Variants in CTNNA2 observed in about 807,000 individuals in gnomAD.
The protein encoded by CTNNA2 is catenin alpha-2.
In CTNNA2, 42 loss-of-function variants were observed where a neutral mutation model predicts 101.0. That is an observed-to-expected ratio of 0.42 (90% CI 0.32 to 0.54). The LOEUF is 0.54. CTNNA2 is among the 20% of genes least tolerant of loss of function. CTNNA2 has a pLI of 0.14. For missense variants in CTNNA2, 871 were observed against 1,223.1 expected (o/e 0.71, Z 4.29); for synonymous variants, 450 against 456.4 (o/e 0.99, Z 0.18).
intron 3 of CTNNA2, among the ~76,000 whole-genome samples, chr2:79,812,038 A>G (rs78505574): frequency 0.026 from 3,906 of 152,308 alleles, 160 homozygotes; most frequent in African/African-American, 0.086. Context: ...ATATAGAAAT[A>G]CAATAGTTTA....
intron 6 of CTNNA2, among the ~76,000 whole-genome samples, chr2:79,891,797 C>A (rs1236882857): frequency 6.6e-6 from 1 of 152,088 alleles, no homozygotes; most frequent in East Asian, 1.9e-4. Flanking sequence ...CAAATTTATA[C>A]TGAAAATGCA....
chr2:80,587,605 C>A (rs1696087232), intron 14 of CTNNA2, among the ~76,000 whole-genome samples: 1 of 152,206 alleles, frequency 6.6e-6, no homozygotes, highest in Admixed American at 6.5e-5. Flanking sequence ...GAACCCAGTT[C>A]TTCTGAGCTC....
At chr2:79,775,842 A>G (rs1464586048) in intron 3 of CTNNA2, among the ~76,000 whole-genome samples, 2 of 152,130 alleles carry the variant, frequency 1.3e-5, no homozygotes, top group Admixed American at 1.3e-4. Flanking sequence ...TGAGAACTTT[A>G]TTTCTTGTTG....
chr2:79,524,777 A>G (rs1014420395), intron 1 of CTNNA2: 4 of 151,948 alleles, frequency 2.6e-5, no homozygotes, highest in Admixed American at 6.6e-5. Flanking sequence ...TAACGTAAGT[A>G]TATTTATACC....
chr2:79,214,002 C>A (rs1021208785), intron 2 of CTNNA2, among the ~76,000 whole-genome samples: 1 of 152,140 alleles, frequency 6.6e-6, no homozygotes, highest in African/African-American at 2.4e-5. Context: ...AGGGTGGGGT[C>A]CTGGCTCTTG....
At chr2:79,935,717 C>A (rs1434341881) in intron 7 of CTNNA2, among the ~76,000 whole-genome samples, 1 of 152,210 alleles carries the variant, frequency 6.6e-6, no homozygotes, top group Non-Finnish European at 1.5e-5. Flanking sequence ...CTACCTTTTA[C>A]AAATTGTCCC....
chr2:79,448,611 A>G (rs937624954), intron 4 of CTNNA2, among the ~76,000 whole-genome samples: 3 of 152,170 alleles, frequency 2.0e-5, no homozygotes, highest in East Asian at 1.9e-4. Flanking sequence ...AGCAGTTGGT[A>G]TCTGTGAGTT....
chr2:80,119,567 T>A (rs142249740), intron 7 of CTNNA2, among the ~76,000 whole-genome samples: 2 of 152,290 alleles, frequency 1.3e-5, no homozygotes, highest in East Asian at 3.9e-4. Flanking sequence ...ATCAGCCTCA[T>A]TGACTTTGAA....
intron 6 of CTNNA2, among the ~76,000 whole-genome samples, chr2:79,888,155 A>G (rs2104183555): frequency 6.6e-6 from 1 of 152,254 alleles, no homozygotes; most frequent in East Asian, 1.9e-4. Context: ...AACCATCCCT[A>G]CCTCTGGGAT....
chr2:80,094,121 G>C (rs1235701253), intron 7 of CTNNA2, among the ~76,000 whole-genome samples: 1 of 152,116 alleles, frequency 6.6e-6, no homozygotes, highest in Admixed American at 6.5e-5. Flanking sequence ...TTTTCTTGTA[G>C]GGTTTTTATG....
At chr2:79,338,610 C>CTTCTTCTTA (rs1677058933) in intron 3 of CTNNA2, among the ~76,000 whole-genome samples, 1 of 149,036 alleles carries the variant, frequency 6.7e-6, no homozygotes, top group African/African-American at 2.5e-5. Context: ...TCTTCTTCTT[C>CTTCTTCTTA]TTCTTCTTCT....
Position 79,672,708 on chromosome 2 carries a change from CT to C in CTNNA2, c.102+21067del, listed in dbSNP as rs768344475. On this transcript the variant is annotated intron_variant, in intron 2 of 18. Coordinates refer to ENST00000402739, the MANE Select transcript of CTNNA2 (RefSeq NM_001282597.3). ...TTTCCGATGCAACATTTTCTTTTTT[CT>C]TTTTTTTTTTTTTTTTGAGACGGAG... Among the ~76,000 whole-genome samples, 364 of 134,274 alleles carry C rather than the reference CT, an allele frequency of 2.7e-3. 1 individual carries two copies. The East Asian group carries it at 0.037, about 13-fold the overall frequency. 88.1% of individuals were successfully genotyped at this position (134,274 alleles called of 152,430 possible).
chr2:79,933,438 C>A (rs915482986), intron 7 of CTNNA2, among the ~76,000 whole-genome samples: 1 of 149,786 alleles, frequency 6.7e-6, no homozygotes, highest in Admixed American at 6.6e-5. Context: ...AAATCTAGAT[C>A]TTTGGGCTTC....
chr2:79,601,483 G>T (rs1164851031), intron 1 of CTNNA2, among the ~76,000 whole-genome samples: 1 of 152,184 alleles, frequency 6.6e-6, no homozygotes, highest in East Asian at 1.9e-4. Context: ...GTCATGTGTG[G>T]GCTTGGAAGC....
chr2:80,385,479 T>TG (rs1039709159), intron 7 of CTNNA2, among the ~76,000 whole-genome samples: 1 of 152,182 alleles, frequency 6.6e-6, no homozygotes, highest in African/African-American at 2.4e-5. Flanking sequence ...TCCAGAAATG[T>TG]GAGAAATAAA....
At chr2:79,492,390 T>C (rs1671213900) in intron 4 of CTNNA2, among the ~76,000 whole-genome samples, 1 of 151,878 alleles carries the variant, frequency 6.6e-6, no homozygotes, top group Non-Finnish European at 1.5e-5. Context: ...ATATGGTAGA[T>C]TTTCTATCTA....
intron 1 of CTNNA2, among the ~76,000 whole-genome samples, chr2:79,518,205 T>G (rs1173586037): frequency 6.6e-6 from 1 of 152,240 alleles, no homozygotes; most frequent in Non-Finnish European, 1.5e-5. Flanking sequence ...ATGTTGCTAC[T>G]TGTAGACATC....
upstream of CTNNA2, among the ~76,000 whole-genome samples, chr2:79,512,641 G>A (rs1039563269): frequency 6.9e-6 from 1 of 144,072 alleles, no homozygotes; most frequent in African/African-American, 2.6e-5. Context: ...ATTCAGCTCC[G>A]GGTCCCCGCC....
At chr2:80,645,148 A>G (rs1161501856) in intron 18 of CTNNA2, among the ~76,000 whole-genome samples, 2 of 152,106 alleles carry the variant, frequency 1.3e-5, no homozygotes, top group Admixed American at 6.6e-5. Context: ...GTCATATTTT[A>G]CCCTTTATTT....
Sources: allele counts gnomAD v4.1 joint callset (sites outside exome capture counted in the v4.1 genomes callset), GRCh38; gene constraint gnomAD v4.1.1; transcripts MANE v1.5; gene names NCBI Gene and HGNC (gene_info 2026-07-23, HGNC 2026-07-21).